DNAH6: variants seen among roughly 807,000 people sequenced by gnomAD.
DNAH6 encodes dynein axonemal heavy chain 6, also known as axonemal beta dynein heavy chain 6.
In DNAH6, 340 loss-of-function variants were observed where a neutral mutation model predicts 491.4. The ratio of observed to expected loss-of-function variants is 0.69; its 90% confidence interval spans 0.63 to 0.76. The LOEUF (loss-of-function observed/expected upper bound fraction) is 0.76. DNAH6 is among the 30% of genes least tolerant of loss of function. The probability of loss-of-function intolerance (pLI) is 0.00; values close to 1 mark genes in which losing one functional copy is unlikely to be tolerated. For synonymous variants in DNAH6, 1,603 were observed against 1,686.1 expected (o/e 0.95, Z 1.21); for missense variants, 4,443 against 4,972.2 (o/e 0.89, Z 3.20).
the DNAH6 span, among the ~76,000 whole-genome samples, chr2:84,469,336 A>AG: frequency 2.0e-5 from 3 of 151,938 alleles, no homozygotes; most frequent in African/African-American, 7.3e-5. This position sits in a 1 kb window ranked among gnomAD's most constrained non-coding sequence, Gnocchi z 4.0. Context: ...TAAAGGAAAA[A>AG]ATTTTTTTTT....
chr2:84,551,747 G>C (rs1679390175), intron 9 of DNAH6, among the ~76,000 whole-genome samples: 1 of 152,144 alleles, frequency 6.6e-6, no homozygotes, highest in South Asian at 2.1e-4. Context: ...TTACAGCAAT[G>C]TTTAAGAATG....
At chr2:84,481,993 C>A in the DNAH6 span, among the ~76,000 whole-genome samples, 48 of 152,278 alleles carry the variant, frequency 3.2e-4, 1 homozygote, top group East Asian at 9.3e-3. Context: ...AAGTCACACC[C>A]CGTGATGCTA....
intron 5 of DNAH6, among the ~76,000 whole-genome samples, chr2:84,545,289 A>C (rs112703784): frequency 0.023 from 3,464 of 152,250 alleles, 118 homozygotes; most frequent in African/African-American, 0.078. Context: ...ATATTAGTAC[A>C]AGACAAATAT....
At chr2:84,529,249 T>C in intron 4 of DNAH6, 83 bp downstream of exon 4, 1 of 1,028,124 alleles carries the variant, frequency 9.7e-7, no homozygotes, top group Non-Finnish European at 1.4e-6. Flanking sequence ...TGGATATTAA[T>C]AATAACAATA....
intron 68 of DNAH6, among the ~76,000 whole-genome samples, chr2:84,793,761 C>T (rs1054082883): frequency 6.6e-6 from 1 of 152,212 alleles, no homozygotes; most frequent in Admixed American, 6.5e-5. Context: ...CTTCCCCTCT[C>T]CCTGAGTGGC....
intron 59 of DNAH6, 30 bp from the exon 60 acceptor site, chr2:84,722,595 C>G: frequency 1.3e-6 from 2 of 1,519,686 alleles, no homozygotes; most frequent in Non-Finnish European, 1.8e-6. Context: ...GAACAGATCC[C>G]TAAGAACTTG....
At chr2:84,794,930 A>C (rs1202246756) in intron 68 of DNAH6, among the ~76,000 whole-genome samples, 1 of 151,562 alleles carries the variant, frequency 6.6e-6, no homozygotes, top group African/African-American at 2.4e-5. Flanking sequence ...AACCAACCCA[A>C]ATGTCCAACA....
intron 62 of DNAH6, among the ~76,000 whole-genome samples, chr2:84,738,218 G>C (rs1285385041): frequency 1.3e-5 from 2 of 152,216 alleles, no homozygotes; most frequent in Non-Finnish European, 2.9e-5. Context: ...AAGATGCTCA[G>C]TATGATATTG....
At chr2:84,653,964 T>C (rs571351705) in intron 34 of DNAH6, 90 bp downstream of exon 34, 1 of 1,023,578 alleles carries the variant, frequency 9.8e-7, no homozygotes, top group South Asian at 1.7e-5. Context: ...TAGCCTTTAC[T>C]ATCTATAATG....
chr2:84,680,086 G>A (rs748029036), intron 41 of DNAH6, among the ~76,000 whole-genome samples: 2 of 152,192 alleles, frequency 1.3e-5, no homozygotes, highest in African/African-American at 4.8e-5. Context: ...TGTGGAGTAT[G>A]TTAAACTCAT....
upstream of DNAH6, among the ~76,000 whole-genome samples, chr2:84,511,508 C>T (rs1675328709): frequency 6.6e-6 from 1 of 152,104 alleles, no homozygotes; most frequent in Non-Finnish European, 1.5e-5. Context: ...ATTCCCTGAC[C>T]CCTTGTGCTT....
Position 84,672,440 on chromosome 2 carries a change from G to C in DNAH6, c.6568G>C (p.Gly2190Arg). Residue 2190 changes from glycine (G) to arginine (R), a missense_variant, in exon 40 of 77, where the codon GGG becomes CGG. Gly to Arg is a moderately radical substitution (Grantham distance 125). Around this residue, in one of 3 missense-constraint regions of DNAH6, gnomAD observed 2,977 missense variants for 3,296.6 expected, o/e 0.90. Coordinates refer to ENST00000389394, the MANE Select transcript of DNAH6 (RefSeq NM_001370.2). ...IELLRQYQDF[G>R]GFYDRNKLFW... ...ATTACTTCGGCAGTATCAAGATTTT[G>C]GGGGATTTTATGACAGAAACAAACT... The C allele has an allele frequency of 1.3e-6, 2 of 1,551,468 alleles. No homozygotes were observed. Among genetic ancestry groups the C allele is most frequent in the Non-Finnish European group, 1.7e-6 (2 of 1,146,850 alleles).
intron 41 of DNAH6, among the ~76,000 whole-genome samples, chr2:84,680,863 C>G (rs1417960574): frequency 2.0e-5 from 3 of 152,058 alleles, no homozygotes; most frequent in Non-Finnish European, 4.4e-5. Context: ...AAGAGACTTC[C>G]AAGCTCCTGA....
chr2:84,699,159 CAT>C (rs1695647281), intron 47 of DNAH6, among the ~76,000 whole-genome samples: 1 of 151,906 alleles, frequency 6.6e-6, no homozygotes, highest in Non-Finnish European at 1.5e-5. Flanking sequence ...CAAACCTACA[CAT>C]GTACCCCCAG....
Position 84,727,684 on chromosome 2 carries a change from A to G in DNAH6, c.9988A>G (p.Ile3330Val), listed in dbSNP as rs1240774158. The G allele has an allele frequency of 2.6e-6, 4 of 1,548,860 alleles. No homozygotes were observed. The highest frequency in any genetic ancestry group is 3.5e-6 in the Non-Finnish European group (4 of 1,144,408). Residue 3330 changes from isoleucine (I) to valine (V), a missense_variant, in exon 61 of 77, where the codon ATT (isoleucine) becomes GTT (valine). Ile to Val is a conservative substitution (Grantham distance 29). Around this residue, in one of 3 missense-constraint regions of DNAH6, gnomAD observed 1,463 missense variants for 1,656.6 expected, o/e 0.88. Transcript: ENST00000389394. ...KYFKQLFNTT[I>V]ETSVKTENLQ... The stretch of plus-strand genomic sequence containing the variant: ...TTTCACACAGTTGTTCAATACCACC[A>G]TTGAAACTTCTGTAAAGACAGAAAA...
chr2:84,463,646 A>G, the DNAH6 span, among the ~76,000 whole-genome samples: 1 of 152,112 alleles, frequency 6.6e-6, no homozygotes, highest in Non-Finnish European at 1.5e-5. Flanking sequence ...AAACAGGGAC[A>G]ATTAGAGATA....
At position 84,701,121 on chromosome 2, in the gene DNAH6, G is replaced by C; in HGVS notation, c.7843G>C (p.Val2615Leu). Residue 2615 changes from valine to leucine, a missense_variant, in exon 49 of 77, where the codon GTG becomes CTG. This residue lies in a region of DNAH6 where 2,977 missense variants were observed against 3,296.6 expected (regional missense o/e 0.90). Transcript: ENST00000389394. ...GTGGCCCAGAGAAGCACTTCTTTCT[G>C]TGTCAAAGACATTTTTCTCACAAGT... ...VQWPREALLS[V>L]SKTFFSQVDA... 1 of 1,551,592 alleles carries C rather than the reference G, an allele frequency of 6.4e-7. No individual in the cohort carries two copies. The highest frequency in any genetic ancestry group is 8.7e-7 in the Non-Finnish European group (1 of 1,146,664).
chr2:84,511,332 A>C, the DNAH6 span, among the ~76,000 whole-genome samples: 1 of 152,066 alleles, frequency 6.6e-6, no homozygotes, highest in Non-Finnish European at 1.5e-5. Context: ...CTGCTGTGCT[A>C]GCAATGAGTG....
At chr2:84,701,455 G>T (rs537022349) in intron 49 of DNAH6, 116 bp downstream of exon 49, 7 of 1,076,248 alleles carry the variant, frequency 6.5e-6, no homozygotes, top group Non-Finnish European at 9.1e-6. Context: ...GTCCATTCTC[G>T]CACTGCTATA....
Sources: gnomAD v4.1 joint callset for allele counts (sites outside exome capture counted in the v4.1 genomes callset) on GRCh38, gnomAD v4.1.1 for gene constraint, gnomAD v4.1.1 regional missense constraint, Gnocchi (gnomAD v3.1) non-coding constraint, MANE v1.5 for transcripts, NCBI Gene and HGNC (gene_info 2026-07-23, HGNC 2026-07-21) for gene names.